The following SPTB variants were observed in gnomAD, a reference collection of about 807,000 sequenced individuals.
SPTB encodes spectrin beta, erythrocytic.
Under a neutral mutation model 256.2 loss-of-function variants are expected in SPTB, and 45 were observed. The observed-to-expected ratio is 0.18, with a 90% CI of 0.14 to 0.23. The LOEUF (loss-of-function observed/expected upper bound fraction) is 0.23, where lower values mean the gene tolerates loss of function less well. SPTB is among the 10% of genes least tolerant of loss of function. The probability of loss-of-function intolerance (pLI) is 1.00; values close to 1 mark genes in which losing one functional copy is unlikely to be tolerated. For synonymous variants in SPTB, 1,231 were observed against 1,243.1 expected, an observed-to-expected ratio of 0.99 and a Z score of 0.21; for missense variants, 2,715 against 3,040.4, an observed-to-expected ratio of 0.89 and a Z score of 2.52.
intron 32 of SPTB, among the ~76,000 whole-genome samples, chr14:64,765,025 C>CGG (rs1555366139): frequency 8.5e-6 from 1 of 118,254 alleles, no homozygotes; most frequent in African/African-American, 3.2e-5. Flanking sequence ...GGAGTGTGTG[C>CGG]GTGTGTGTGT....
chr14:64,851,853 G>A (rs529803386), intron 1 of SPTB, among the ~76,000 whole-genome samples: 7 of 151,722 alleles, frequency 4.6e-5, no homozygotes, highest in Non-Finnish European at 8.8e-5. Flanking sequence ...ACACGCACTA[G>A]GGCCTGTTGT....
chr14:64,773,140 C>G, intron 25 of SPTB, 80 bp downstream of exon 25: 1 of 1,588,932 alleles, frequency 6.3e-7, no homozygotes, highest in South Asian at 1.1e-5. Context: ...CTATGCAGCA[C>G]TCTGTGTGTC....
chr14:64,767,253 C>T (rs990023344), intron 31 of SPTB, 50 bp downstream of exon 31: 4 of 1,610,666 alleles, frequency 2.5e-6, no homozygotes, highest in Non-Finnish European at 3.4e-6. Context: ...GCACCCCCTA[C>T]TCCCACTTGG....
At chr14:64,830,334 CTT>C (rs1189411634) in intron 1 of SPTB, among the ~76,000 whole-genome samples, 11 of 138,580 alleles carry the variant, frequency 7.9e-5, no homozygotes, top group African/African-American at 2.7e-4. Flanking sequence ...ACTCTGGAGT[CTT>C]ATTATTATTA....
In SPTB at chr14:64,816,012, C is replaced by T. The variant is rs2083185129; in HGVS notation, c.148+6935G>A. 6.6e-6 allele frequency among the ~76,000 whole-genome samples: 1 copy of T among 152,218 alleles called. No homozygotes were observed. ...AACAAGCTAGCTCAAACAGCGTCTT[C>T]TCTTTACCGGACTTCTGCACAGCCT... On this transcript the variant is annotated intron_variant, in intron 2 of 35. Coordinates refer to ENST00000644917, the MANE Select transcript of SPTB (RefSeq NM_001355436.2). This position sits in a 1 kb window ranked among gnomAD's most constrained non-coding sequence, Gnocchi z 4.2.
At position 64,827,710 on chromosome 14, in the gene SPTB, G is replaced by A. The variant is rs1306663075; in HGVS notation, c.-51-4565C>T. Among the ~76,000 whole-genome samples the A allele has an allele frequency of 2.0e-5, 3 of 152,178 alleles. No individual in the cohort carries two copies. The highest frequency in any genetic ancestry group is 7.2e-5 in the African/African-American group (3 of 41,438). On this transcript the variant is annotated intron_variant, in intron 1 of 35. Transcript: ENST00000644917. This position sits in a 1 kb window ranked among gnomAD's most constrained non-coding sequence, Gnocchi z 4.6. ...AATGAGAAGCAATAAGACGTGCAGT[G>A]CAGAATACTTACTCTAAATCTATCT...
intron 9 of SPTB, among the ~76,000 whole-genome samples, chr14:64,798,976 T>C (rs1203157796): frequency 2.0e-5 from 3 of 152,212 alleles, no homozygotes; most frequent in Non-Finnish European, 4.4e-5. Context: ...CATGTGCACA[T>C]GCATGGTTGT....
In SPTB at chr14:64,847,844, G is replaced by GC. The variant is rs1466022763; in HGVS notation, c.-51-24700dup. Reference sequence around the variant, plus strand: ...GCCTTATTTCCTCAATGCTCCATGTGCCCCCCACCGCAAACCCCATCCGGA... The same window carrying GC: ...GCCTTATTTCCTCAATGCTCCATGTGCCCCCCCACCGCAAACCCCATCCGGA... On this transcript the variant is annotated intron_variant, in intron 1 of 35. Transcript: ENST00000644917. The surrounding 1 kb of genome is among the most constrained non-coding windows in gnomAD (Gnocchi z 5.9). Among the ~76,000 whole-genome samples, 5 of 152,018 alleles carry GC rather than the reference G, an allele frequency of 3.3e-5. No individual in the cohort carries two copies. Among genetic ancestry groups the GC allele is most frequent in the Non-Finnish European group, 5.9e-5 (4 of 67,994 alleles).
intron 4 of SPTB, among the ~76,000 whole-genome samples, chr14:64,803,214 GA>G (rs1448072230): frequency 3.3e-5 from 5 of 152,168 alleles, no homozygotes; most frequent in Non-Finnish European, 7.4e-5. Flanking sequence ...GGTGAGAAGA[GA>G]AAAGTTTCTG....
Position 64,791,832 on chromosome 14 carries a change from C to T in SPTB, c.2691G>A (p.Met897Ile), listed in dbSNP as rs1376811028. 5.0e-6 allele frequency: 8 copies of T among 1,614,202 alleles called. No homozygotes were observed. Among genetic ancestry groups the T allele is most frequent in the Non-Finnish European group, 6.8e-6 (8 of 1,180,032 alleles). Residue 897 changes from methionine (M) to isoleucine (I), a missense_variant, in exon 15 of 36, where the codon ATG (methionine) becomes ATA (isoleucine). Around this residue, in one of 4 missense-constraint regions of SPTB, gnomAD observed 2,239 missense variants for 2,384.4 expected, o/e 0.94. Transcript: ENST00000644917. ...CATCAATCTGAGTCATCAAGGTCTT[C>T]ATCTCCTGGTCCAGGATGTCGAACC... ...QHRFDILDQE[M>I]KTLMTQIDGV...
rs532156686 is a variant in SPTB, at chr14:64,853,712, T to C, written c.-52+26080A>G. On this transcript the variant is annotated intron_variant, in intron 1 of 35. Transcript: ENST00000644917. The surrounding 1 kb of genome is among the most constrained non-coding windows in gnomAD (Gnocchi z 4.3). ...AATGGGAAAGACCTGAACTTATCTA[T>C]AGGCAAGAGTGAAACAGCAAGAGAG... Among the ~76,000 whole-genome samples, 7 of 152,106 alleles carry C rather than the reference T, an allele frequency of 4.6e-5. No individual in the cohort carries two copies. Among genetic ancestry groups the C allele is most frequent in the Non-Finnish European group, 1.0e-4 (7 of 68,016 alleles).
Position 64,796,843 on chromosome 14 carries a change from G to C in SPTB, c.1183-128C>G, listed in dbSNP as rs759448907. On this transcript the variant is annotated intron_variant, in intron 10 of 35. Transcript: ENST00000644917. This position sits in a 1 kb window ranked among gnomAD's most constrained non-coding sequence, Gnocchi z 4.1. ...GTACAGCCTGATGCTCTTGGGTGACGTGGTAGCAGATTAAAGATCAATAAA... is the reference window on the plus strand; with the variant it reads ...GTACAGCCTGATGCTCTTGGGTGACCTGGTAGCAGATTAAAGATCAATAAA... 8.1e-7 allele frequency: 1 copy of C among 1,235,170 alleles called. No homozygotes were observed. Among genetic ancestry groups the C allele is most frequent in the Non-Finnish European group, 1.2e-6 (1 of 864,104 alleles). 76.5% of individuals were successfully genotyped at this position (1,235,170 alleles called of 1,614,324 possible). A position where few individuals can be genotyped will look rare whatever the true frequency, so the allele number is the denominator to read the frequency against.
rs1218297191 is a variant in SPTB, at chr14:64,812,349, A to T, written c.149-7259T>A. 6.6e-5 allele frequency among the ~76,000 whole-genome samples: 10 copies of T among 152,202 alleles called. No homozygotes were observed. In the East Asian group the frequency reaches 1.5e-3, roughly 23 times the overall value. ...CTTAGGGATTTTTCACCAGGCCAAA[A>T]TCATAAGCATCTTTAACCACCTGAG... is the stretch of plus-strand genomic sequence containing the variant. On this transcript the variant is annotated intron_variant, in intron 2 of 35. Coordinates refer to ENST00000644917, the MANE Select transcript of SPTB (RefSeq NM_001355436.2).
At chr14:64,799,256 G>A (rs113952984) in intron 9 of SPTB, among the ~76,000 whole-genome samples, 1 of 152,362 alleles carries the variant, frequency 6.6e-6, no homozygotes, top group Non-Finnish European at 1.5e-5. Flanking sequence ...ACACACTAGG[G>A]TGGGGCAGAG....
chr14:64,787,874 C>A (rs1039829351), intron 15 of SPTB, among the ~76,000 whole-genome samples: 4 of 152,236 alleles, frequency 2.6e-5, no homozygotes, highest in African/African-American at 7.2e-5. Flanking sequence ...CCAGGCCAGA[C>A]CACTAGGGAC....
rs928555270 is a variant in SPTB at position 64,802,405 on chromosome 14, T to A, written c.475-88A>T. The A allele has an allele frequency of 8.1e-7, 1 of 1,240,906 alleles. No individual in the cohort carries two copies. The highest frequency in any genetic ancestry group is 1.9e-5 in the Admixed American group (1 of 52,208). 76.9% of individuals were successfully genotyped at this position (1,240,906 alleles called of 1,614,324 possible). On this transcript the variant is annotated intron_variant, in intron 4 of 35. Transcript: ENST00000644917. The surrounding 1 kb of genome is among the most constrained non-coding windows in gnomAD (Gnocchi z 5.1). ...CGTCCCTGGGAGGCTCCCTCCCTCA[T>A]CCCCCCTTCACTTAACACTAATTCA...
chr14:64,828,535 G>T (rs2083406920), intron 1 of SPTB, among the ~76,000 whole-genome samples: 2 of 152,180 alleles, frequency 1.3e-5, no homozygotes, highest in Admixed American at 1.3e-4. Context: ...GTAATTGTGG[G>T]TTTTGCCATT....
intron 32 of SPTB, among the ~76,000 whole-genome samples, chr14:64,766,225 A>G (rs2082179167): frequency 7.4e-6 from 1 of 135,570 alleles, no homozygotes; most frequent in Admixed American, 7.3e-5. Context: ...GTGTCTGTAT[A>G]TATGGGGGTG....
In SPTB at chr14:64,748,049, C is replaced by T. The variant is rs1047776832; in HGVS notation, c.*1257G>A. The T allele has an allele frequency of 6.6e-6, 1 of 152,158 alleles. No homozygotes were observed. The highest frequency in any genetic ancestry group is 1.5e-5 in the Non-Finnish European group (1 of 68,084). 9.4% of individuals were successfully genotyped at this position (152,158 alleles called of 1,614,324 possible). A position where few individuals can be genotyped will look rare whatever the true frequency, so the allele number is the denominator to read the frequency against. ...ACCTCTGTACTCATGTGACCCCCTC[C>T]CCGCCAAGACCTGGGGCCAGGACGT... On this transcript the variant is annotated 3_prime_UTR_variant, in exon 36 of 36. Transcript: ENST00000644917.
Sources: gnomAD v4.1 joint callset for allele counts (sites outside exome capture counted in the v4.1 genomes callset) on GRCh38, gnomAD v4.1.1 for gene constraint, gnomAD v4.1.1 regional missense constraint, Gnocchi (gnomAD v3.1) non-coding constraint, MANE v1.5 for transcripts, NCBI Gene and HGNC (gene_info 2026-07-23, HGNC 2026-07-21) for gene names.